Variants in POU6F1 observed in about 807,000 individuals in gnomAD.
POU6F1 encodes the protein POU class 6 homeobox 1, also known as POU domain, class 6, transcription factor 1.
A neutral mutation model predicts 28.9 loss-of-function variants in POU6F1; 9 were observed. The ratio of observed to expected loss-of-function variants is 0.31; its 90% confidence interval spans 0.19 to 0.54. POU6F1 has a LOEUF of 0.54. POU6F1 is among the 20% of genes least tolerant of loss of function. The probability of loss-of-function intolerance (pLI) is 0.94; values close to 1 mark genes in which losing one functional copy is unlikely to be tolerated. For synonymous variants in POU6F1, 173 were observed against 171.1 expected (o/e 1.01, Z -0.09); for missense variants, 338 against 426.1 (o/e 0.79, Z 1.82).
intron 9 of POU6F1, 100 bp from the exon 10 acceptor site, chr12:51,191,864 G>T (rs1375085993): frequency 7.0e-7 from 1 of 1,432,040 alleles, no homozygotes; most frequent in East Asian, 2.3e-5. Context: ...GAGAGGTGAG[G>T]ACACCTGGGA....
intron 7 of POU6F1, 120 bp downstream of exon 7, chr12:51,196,679 T>C (rs1026570945): frequency 1.6e-6 from 2 of 1,261,754 alleles, no homozygotes; most frequent in Non-Finnish European, 2.2e-6. Flanking sequence ...GCAGAGGAGA[T>C]AGGAACAACA....
At chr12:51,213,005 C>T (rs1307488459) in intron 1 of POU6F1, among the ~76,000 whole-genome samples, 1 of 151,710 alleles carries the variant, frequency 6.6e-6, no homozygotes, top group Non-Finnish European at 1.5e-5. Context: ...GGCGGGATCT[C>T]GGCTTACTGC....
Position 51,191,600 on chromosome 12 carries a change from A to G in POU6F1, c.1486T>C (p.Cys496Arg). Residue 496 changes from cysteine (C) to arginine (R), a missense_variant, in exon 10 of 11, where the codon TGC becomes CGC. By Grantham distance (180) the Cys-to-Arg change is radical. Transcript: ENST00000333640. ...GTCTAGGGCAGCCTTACTCACCGGCAGATGGCTGACTGGCTGTAGGCTGGA... is the reference window on the plus strand; with the variant it reads ...GTCTAGGGCAGCCTTACTCACCGGCGGATGGCTGACTGGCTGTAGGCTGGA... Reference protein sequence around the residue: ...EGPAYSQSAICRFEKLDITPK... With the variant: ...EGPAYSQSAIRRFEKLDITPK... 6.2e-7 allele frequency: 1 copy of G among 1,613,028 alleles called. No individual in the cohort carries two copies. Among genetic ancestry groups the G allele is most frequent in the Non-Finnish European group, 8.5e-7 (1 of 1,179,880 alleles).
intron 6 of POU6F1, 144 bp downstream of exon 6, chr12:51,197,626 C>G (rs1942923515): frequency 2.5e-6 from 1 of 397,680 alleles, no homozygotes; most frequent in African/African-American, 2.1e-5. Flanking sequence ...GAGAAGGCCT[C>G]AGAGGGAGCC....
chr12:51,206,728 C>T, intron 2 of POU6F1, 61 bp downstream of exon 2: 1 of 398,818 alleles, frequency 2.5e-6, no homozygotes, highest in Non-Finnish European at 4.4e-6. Context: ...GAGTCCTCCT[C>T]TGTTGCCCAC....
At chr12:51,207,390 A>C (rs907958117) in intron 1 of POU6F1, 3 of 152,200 alleles carry the variant, frequency 2.0e-5, no homozygotes, top group Admixed American at 6.5e-5. Context: ...TAGTACCAGG[A>C]ACATCTGGGC....
chr12:51,194,001 G>A (rs1334216140), intron 8 of POU6F1, among the ~76,000 whole-genome samples: 1 of 152,044 alleles, frequency 6.6e-6, no homozygotes, highest in Admixed American at 6.6e-5. Flanking sequence ...CCTCACCACA[G>A]TCCAGTTCTT....
At chr12:51,196,744 C>A in intron 7 of POU6F1, 55 bp downstream of exon 7, 1 of 1,601,540 alleles carries the variant, frequency 6.2e-7, no homozygotes, top group Non-Finnish European at 8.5e-7. Context: ...GGCCGCCATC[C>A]CCTGGCCAGC....
At chr12:51,200,697 AT>A (rs1322778593) in intron 3 of POU6F1, among the ~76,000 whole-genome samples, 2 of 151,734 alleles carry the variant, frequency 1.3e-5, no homozygotes, top group Non-Finnish European at 2.9e-5. Context: ...TTTTAATTTA[AT>A]TTTTTTTGAG....
rs1369834312 is a variant in POU6F1 at position 51,190,541 on chromosome 12, C to T, written c.1542G>A (p.Val514=). The change falls in exon 11 of 11, where the codon GTG becomes GTA. Residue 514 remains valine, a synonymous_variant. Transcript: ENST00000333640. The surrounding 1 kb of genome is among the most constrained non-coding windows in gnomAD (Gnocchi z 4.5). ...TPKSAQKLKP[V]LEKWLNEAEL... ...CAGCTTCGTTTAGCCACTTTTCCAGCACCGGCTTTAGCTTCTGGGCACTCT... is the reference window on the plus strand; with the variant it reads ...CAGCTTCGTTTAGCCACTTTTCCAGTACCGGCTTTAGCTTCTGGGCACTCT... 5 of 1,614,084 alleles carry T rather than the reference C, an allele frequency of 3.1e-6. No individual in the cohort carries two copies. Among genetic ancestry groups the T allele is most frequent in the Non-Finnish European group, 4.2e-6 (5 of 1,180,044 alleles).
In POU6F1 at chr12:51,190,426, G is replaced by A; in HGVS notation, c.1657C>T (p.Pro553Ser). 2.5e-6 allele frequency: 4 copies of A among 1,614,132 alleles called. No individual in the cohort carries two copies. Among genetic ancestry groups the A allele is most frequent in the Non-Finnish European group, 3.4e-6 (4 of 1,180,018 alleles). Residue 553 changes from proline to serine, a missense_variant, in exon 11 of 11, where the codon CCC becomes TCC. Physicochemically the swap from Pro to Ser is moderately conservative, Grantham distance 74 (BLOSUM62 -1). Transcript: ENST00000333640. The surrounding 1 kb of genome is among the most constrained non-coding windows in gnomAD (Gnocchi z 4.5). ...GCATTGAGAGCCTCTATGGCCTGGG[G>A]GGTGAAGGAGGTGCGGCGTTTGCGT... is the stretch of plus-strand genomic sequence containing the variant. The part of the protein sequence containing the change: ...KKRKRRTSFT[P>S]QAIEALNAYF...
At chr12:51,211,147 G>C (rs1943958664) in intron 1 of POU6F1, among the ~76,000 whole-genome samples, 1 of 152,202 alleles carries the variant, frequency 6.6e-6, no homozygotes, top group South Asian at 2.1e-4. Flanking sequence ...CCTCCTTTAA[G>C]CCCATGATGC....
In POU6F1 at chr12:51,196,926, A is replaced by T; in HGVS notation, c.848T>A (p.Ile283Asn). ...CTGTCCCCCGAGGGAAGCAGCACTGATCTGTGGGTGGAGGAAGAGCCTTGC... is the reference window on the plus strand; with the variant it reads ...CTGTCCCCCGAGGGAAGCAGCACTGTTCTGTGGGTGGAGGAAGAGCCTTGC... ...PAGFAFSPGI[I>N]SAASLGGQTQ... is the part of the protein sequence containing the mutation. The change falls in exon 7 of 11, where the codon ATC (isoleucine) becomes AAC (asparagine). Residue 283 changes from isoleucine (I) to asparagine (N), a missense_variant and splice_region_variant. Transcript: ENST00000333640. The T allele has an allele frequency of 6.4e-7, 1 of 1,557,586 alleles. No homozygotes were observed. Among genetic ancestry groups the T allele is most frequent in the Admixed American group, 1.7e-5 (1 of 58,954 alleles).
At chr12:51,191,386 G>T (rs976633201) in intron 10 of POU6F1, among the ~76,000 whole-genome samples, 4 of 151,614 alleles carry the variant, frequency 2.6e-5, no homozygotes, top group Admixed American at 6.6e-5. Flanking sequence ...CAGGATTGGA[G>T]GATAATCTTC....
In POU6F1 at chr12:51,204,384, A is replaced by AG; in HGVS notation, c.49-17dup. The AG allele has an allele frequency of 2.5e-6, 1 of 399,222 alleles. No individual in the cohort carries two copies. The highest frequency in any genetic ancestry group is 3.6e-5 in the East Asian group (1 of 28,068). 24.7% of individuals were successfully genotyped at this position (399,222 alleles called of 1,614,324 possible). A position where few individuals can be genotyped will look rare whatever the true frequency, so the allele number is the denominator to read the frequency against. ...TCACGATGACCTGCAAGCAGAGGAC[A>AG]GGGGCACTGTTGGGATAGGGGCCAG... is the stretch of plus-strand genomic sequence containing the variant. On this transcript the variant is annotated splice_polypyrimidine_tract_variant and intron_variant, in intron 2 of 10. Coordinates refer to ENST00000333640, the MANE Select transcript of POU6F1 (RefSeq NM_001330422.2).
Position 51,190,599 on chromosome 12 carries a change from G to A in POU6F1, c.1491-7C>T, listed in dbSNP as rs1303066294. ...GATGTCTAGCTTCTCGAACCTGTGG[G>A]CAACCCATACCCAGGAAGAGGCAGT... On this transcript the variant is annotated splice_region_variant and splice_polypyrimidine_tract_variant and intron_variant, in intron 10 of 10. Transcript: ENST00000333640. The surrounding 1 kb of genome is among the most constrained non-coding windows in gnomAD (Gnocchi z 4.5). The A allele has an allele frequency of 1.2e-6, 2 of 1,611,200 alleles. No homozygotes were observed. The highest frequency in any genetic ancestry group is 3.3e-5 in the Admixed American group (2 of 59,840).
intron 1 of POU6F1, among the ~76,000 whole-genome samples, chr12:51,212,815 C>T (rs1213177413): frequency 1.4e-5 from 2 of 147,914 alleles, no homozygotes; most frequent in Non-Finnish European, 3.0e-5. Context: ...AGCTATAGTC[C>T]AATATGGGAG....
intron 1 of POU6F1, among the ~76,000 whole-genome samples, chr12:51,210,626 G>A (rs914730566): frequency 2.0e-5 from 3 of 152,188 alleles, no homozygotes; most frequent in Non-Finnish European, 4.4e-5. Context: ...TAAGGCTTGG[G>A]TGATTCTGAT....
In POU6F1 at chr12:51,190,725, C is replaced by T; in HGVS notation, c.1491-133G>A. 1.5e-6 allele frequency: 2 copies of T among 1,346,258 alleles called. No individual in the cohort carries two copies. Among genetic ancestry groups the T allele is most frequent in the Non-Finnish European group, 2.0e-6 (2 of 1,008,200 alleles). 83.4% of individuals were successfully genotyped at this position (1,346,258 alleles called of 1,614,324 possible). A position where few individuals can be genotyped will look rare whatever the true frequency, so the allele number is the denominator to read the frequency against. On this transcript the variant is annotated intron_variant, in intron 10 of 10. Transcript: ENST00000333640. The surrounding 1 kb of genome is among the most constrained non-coding windows in gnomAD (Gnocchi z 4.5). ...GCTGGTGAGACTGTACCCAGTGCTCCCCTCACCACCTCCACCAAGACCCCT... is the reference window on the plus strand; with the variant it reads ...GCTGGTGAGACTGTACCCAGTGCTCTCCTCACCACCTCCACCAAGACCCCT...
Sources: gnomAD v4.1 joint callset for allele counts (sites outside exome capture counted in the v4.1 genomes callset) on GRCh38, gnomAD v4.1.1 for gene constraint, Gnocchi (gnomAD v3.1) non-coding constraint, MANE v1.5 for transcripts, NCBI Gene and HGNC (gene_info 2026-07-23, HGNC 2026-07-21) for gene names.